SNX29: variants seen among roughly 807,000 people sequenced by gnomAD.
SNX29 encodes sorting nexin 29.
Under a neutral mutation model 102.1 loss-of-function variants are expected in SNX29, and 78 were observed. The observed-to-expected ratio is 0.76, with a 90% CI of 0.64 to 0.92. The LOEUF (loss-of-function observed/expected upper bound fraction) is 0.92, where lower values mean the gene tolerates loss of function less well. Ranked by LOEUF, SNX29 falls within the 40% of genes least tolerant of loss-of-function variation. The pLI is 0.00. For missense variants in SNX29, 1,280 were observed against 1,061.7 expected (o/e 1.21, Z -2.86); for synonymous variants, 580 against 414.5 (o/e 1.40, Z -4.85).
chr16:12,439,917 A>G (rs976267047), intron 18 of SNX29, among the ~76,000 whole-genome samples: 1 of 152,184 alleles, frequency 6.6e-6, no homozygotes, highest in Non-Finnish European at 1.5e-5. Flanking sequence ...CTCCCTGAGT[A>G]TCTGGTGGGG....
chr16:12,042,576 C>T (rs1371534720), intron 4 of SNX29, among the ~76,000 whole-genome samples: 2 of 152,108 alleles, frequency 1.3e-5, no homozygotes, highest in Non-Finnish European at 2.9e-5. Flanking sequence ...TGAGACTATC[C>T]AATATTTCGT....
At chr16:12,191,560 G>C (rs751992412) in intron 13 of SNX29, among the ~76,000 whole-genome samples, 4 of 152,190 alleles carry the variant, frequency 2.6e-5, no homozygotes, top group Non-Finnish European at 4.4e-5. Flanking sequence ...GAGGGTGTGA[G>C]GGCAAAAGTG....
At chr16:12,453,055 C>T (rs2086377882) in intron 18 of SNX29, among the ~76,000 whole-genome samples, 1 of 152,204 alleles carries the variant, frequency 6.6e-6, no homozygotes, top group African/African-American at 2.4e-5. Context: ...GGCTGTCTCA[C>T]TTGGTGGCAG....
rs370216586 is a variant in SNX29 at position 12,568,643 on chromosome 16, G to C, written c.*14G>C. ...GGTGACCTCTGACCTCGACAAAACC[G>C]CAGCCACGGGCCCTGTGCGTGGCAC... is the stretch of plus-strand genomic sequence containing the variant. On this transcript the variant is annotated 3_prime_UTR_variant, in exon 21 of 21. Coordinates refer to ENST00000566228, the MANE Select transcript of SNX29 (RefSeq NM_032167.5). The C allele has an allele frequency of 5.0e-6, 8 of 1,600,390 alleles. No individual in the cohort carries two copies. The highest frequency in any genetic ancestry group is 6.8e-6 in the Non-Finnish European group (8 of 1,179,460).
chr16:12,019,697 G>A lies in SNX29; in HGVS notation c.123-7623G>A, dbSNP rs377068696. 1.6e-3 allele frequency among the ~76,000 whole-genome samples: 245 copies of A among 150,320 alleles called. 2 individuals carry two copies. The highest frequency in any genetic ancestry group is 5.5e-3 in the African/African-American group (223 of 40,884). On this transcript the variant is annotated intron_variant, in intron 3 of 20. Transcript: ENST00000566228. ...GTTGCCCAAGCTGGAGTGCAGTGGC[G>A]TGATCTTGGCTCACTGCAAACCTCT...
rs141256819 is a variant in SNX29 at position 12,235,269 on chromosome 16, C to T, written c.1678+35586C>T. ...GCACAAACTATTGAGTTCCCCTTCA[C>T]CAACGTGCCCCAGAGTTGGCAGAAG... On this transcript the variant is annotated intron_variant, in intron 14 of 20. Transcript: ENST00000566228. Among the ~76,000 whole-genome samples, 619 of 152,270 alleles carry T rather than the reference C, an allele frequency of 4.1e-3. 6 individuals are homozygous for T. Among genetic ancestry groups the T allele is most frequent in the African/African-American group, 0.014 (586 of 41,564 alleles).
intron 18 of SNX29, among the ~76,000 whole-genome samples, chr16:12,454,192 T>C (rs558938620): frequency 3.3e-5 from 5 of 152,132 alleles, no homozygotes; most frequent in African/African-American, 1.2e-4. Context: ...TGAGATATGA[T>C]AGGTGGAACT....
At chr16:12,043,641 G>C (rs1359494890) in intron 5 of SNX29, among the ~76,000 whole-genome samples, 2 of 152,190 alleles carry the variant, frequency 1.3e-5, no homozygotes, top group East Asian at 3.9e-4. Flanking sequence ...ACAGGTATGA[G>C]CTACCATGCC....
At chr16:12,540,741 G>A (rs1158411570) in intron 20 of SNX29, among the ~76,000 whole-genome samples, 3 of 152,172 alleles carry the variant, frequency 2.0e-5, no homozygotes, top group Non-Finnish European at 2.9e-5. Context: ...GCATCCTTGG[G>A]GCACCATTGA....
At chr16:12,541,086 G>C (rs948359118) in intron 20 of SNX29, among the ~76,000 whole-genome samples, 1 of 152,174 alleles carries the variant, frequency 6.6e-6, no homozygotes, top group African/African-American at 2.4e-5. Flanking sequence ...GCTGCCTCAT[G>C]CATCCACTCC....
chr16:12,447,923 T>C (rs1310336664), intron 18 of SNX29, among the ~76,000 whole-genome samples: 1 of 152,112 alleles, frequency 6.6e-6, no homozygotes. Flanking sequence ...TTTTATCCAA[T>C]GGGATAAAAA....
rs576489051 is a variant in SNX29, at chr16:12,571,242, G to C, written c.*2613G>C. 1 of 232,230 alleles carries C rather than the reference G, an allele frequency of 4.3e-6. No individual in the cohort carries two copies. The highest frequency in any genetic ancestry group is 1.8e-4 in the South Asian group (1 of 5,518). The allele number at this position is 232,230 out of a possible 1,614,324, so 14.4% of individuals were successfully genotyped here. A position where few individuals can be genotyped will look rare whatever the true frequency, so the allele number is the denominator to read the frequency against. On this transcript the variant is annotated 3_prime_UTR_variant, in exon 21 of 21. Coordinates refer to ENST00000566228, the MANE Select transcript of SNX29 (RefSeq NM_032167.5). Reference sequence around the variant, plus strand: ...TCCCAGTTCCTGGAGTTATGGAGCAGAAACACCCAGGCCTAGCAGAATTGT... The same window carrying C: ...TCCCAGTTCCTGGAGTTATGGAGCACAAACACCCAGGCCTAGCAGAATTGT...
In SNX29 at chr16:12,548,840, C is replaced by T. The variant is rs572728057; in HGVS notation, c.2319-19666C>T. The stretch of plus-strand genomic sequence containing the variant: ...ATGGCAGGCCCAGCCCTGTCTAGCT[C>T]TCAGTTCCTCTGCTCTGCAGCCAGG... On this transcript the variant is annotated intron_variant, in intron 20 of 20. Coordinates refer to ENST00000566228, the MANE Select transcript of SNX29 (RefSeq NM_032167.5). Among the ~76,000 whole-genome samples, 87 of 152,324 alleles carry T rather than the reference C, an allele frequency of 5.7e-4. 1 individual carries two copies. Among genetic ancestry groups the T allele is most frequent in the African/African-American group, 1.9e-3 (80 of 41,556 alleles).
chr16:12,042,821 A>G lies in SNX29; in HGVS notation c.248-76A>G. On this transcript the variant is annotated intron_variant, in intron 4 of 20. Coordinates refer to ENST00000566228, the MANE Select transcript of SNX29 (RefSeq NM_032167.5). ...TCTGTTACAATCTCCAACTTCGCCTAGAGGCTTTGTGTGTTCCTCTCCCAG... is the reference window on the plus strand; with the variant it reads ...TCTGTTACAATCTCCAACTTCGCCTGGAGGCTTTGTGTGTTCCTCTCCCAG... 8 of 1,464,122 alleles carry G rather than the reference A, an allele frequency of 5.5e-6. 1 individual carries two copies. In the South Asian group the frequency reaches 7.9e-5, roughly 14 times the overall value. The allele number at this position is 1,464,122 out of a possible 1,614,324, so 90.7% of individuals were successfully genotyped here.
chr16:12,212,020 A>G (rs953359543), intron 14 of SNX29, among the ~76,000 whole-genome samples: 1 of 151,998 alleles, frequency 6.6e-6, no homozygotes, highest in Non-Finnish European at 1.5e-5. Flanking sequence ...TCTGTCTGTT[A>G]AACCCATGCT....
chr16:12,138,362 C>T lies in SNX29; in HGVS notation c.1595+8604C>T, dbSNP rs371408795. On this transcript the variant is annotated intron_variant, in intron 13 of 20. Coordinates refer to ENST00000566228, the MANE Select transcript of SNX29 (RefSeq NM_032167.5). ...AGCTGGGACTACAGGCATGTGCCAC[C>T]ATGCCCAGCTCATTTGTATATTTTT... Among the ~76,000 whole-genome samples the T allele has an allele frequency of 7.1e-4, 108 of 152,086 alleles. 2 individuals are homozygous for T. The East Asian group carries it at 0.02, about 28-fold the overall frequency.
Position 12,571,738 on chromosome 16 carries a change from C to G in SNX29, c.*3109C>G, listed in dbSNP as rs1019550347. On this transcript the variant is annotated 3_prime_UTR_variant, in exon 21 of 21. Transcript: ENST00000566228. ...AGGGAGCTTAAAGGCTGCTAGAAAC[C>G]TAGCCCAACCATCCACTCCTGATCT... 10 of 1,034,524 alleles carry G rather than the reference C, an allele frequency of 9.7e-6. No individual in the cohort carries two copies. Among genetic ancestry groups the G allele is most frequent in the African/African-American group, 8.3e-5 (5 of 60,254 alleles). The allele number at this position is 1,034,524 out of a possible 1,614,324, so 64.1% of individuals were successfully genotyped here. A position where few individuals can be genotyped will look rare whatever the true frequency, so the allele number is the denominator to read the frequency against.
intron 20 of SNX29, among the ~76,000 whole-genome samples, chr16:12,542,797 C>CTGATTT (rs2077401889): frequency 6.0e-5 from 9 of 151,010 alleles, no homozygotes; most frequent in Admixed American, 4.0e-4. Context: ...GTTAAATCAG[C>CTGATTT]AAGTAAGTGA....
At chr16:12,545,223 C>A (rs191185384) in intron 20 of SNX29, among the ~76,000 whole-genome samples, 105 of 152,314 alleles carry the variant, frequency 6.9e-4, no homozygotes, top group African/African-American at 2.5e-3. Flanking sequence ...CAGGCAATGA[C>A]AGGGAAAGGG....
Sources: allele counts gnomAD v4.1 joint callset (sites outside exome capture counted in the v4.1 genomes callset), GRCh38; gene constraint gnomAD v4.1.1; transcripts MANE v1.5; gene names NCBI Gene and HGNC (gene_info 2026-07-23, HGNC 2026-07-21).